Variants in ATP6V0A4 observed in about 807,000 individuals in gnomAD.
ATP6V0A4 encodes the protein V-type proton ATPase 116 kDa subunit a 4.
In ATP6V0A4, 86 loss-of-function variants were observed where a neutral mutation model predicts 107.3. That is an observed-to-expected ratio of 0.80 (90% CI 0.67 to 0.96). ATP6V0A4 has a LOEUF of 0.96. Ranked by LOEUF, ATP6V0A4 falls within the 40% of genes least tolerant of loss-of-function variation. The pLI is 0.00. For missense variants in ATP6V0A4, 908 were observed against 1,045.6 expected, an observed-to-expected ratio of 0.87 and a Z score of 1.81; for synonymous variants, 353 against 381.4, an observed-to-expected ratio of 0.93 and a Z score of 0.87.
At chr7:138,778,321 A>G (rs1447231510) in intron 2 of ATP6V0A4, among the ~76,000 whole-genome samples, 4 of 151,990 alleles carry the variant, frequency 2.6e-5, no homozygotes, top group Non-Finnish European at 5.9e-5. Flanking sequence ...AGATCGCGCC[A>G]CTGCACTCCA....
intron 2 of ATP6V0A4, 110 bp downstream of exon 2, chr7:138,786,048 A>C (rs1808163348): frequency 6.6e-6 from 1 of 150,516 alleles, no homozygotes; most frequent in Non-Finnish European, 1.5e-5. Flanking sequence ...ACTCTCCTCT[A>C]CTCTCCACTC....
chr7:138,778,790 C>T (rs1807789445), intron 2 of ATP6V0A4, among the ~76,000 whole-genome samples: 1 of 152,088 alleles, frequency 6.6e-6, no homozygotes, highest in Non-Finnish European at 1.5e-5. Flanking sequence ...CAGCCCCACT[C>T]TGTGGTAACA....
At chr7:138,713,029 G>T (rs772374464) in intron 20 of ATP6V0A4, among the ~76,000 whole-genome samples, 1 of 152,004 alleles carries the variant, frequency 6.6e-6, no homozygotes, top group East Asian at 1.9e-4. Flanking sequence ...GGTGGCTCAC[G>T]CCTGTAATTC....
intron 5 of ATP6V0A4, among the ~76,000 whole-genome samples, chr7:138,766,654 G>A (rs1807108642): frequency 6.6e-6 from 1 of 151,826 alleles, no homozygotes; most frequent in Non-Finnish European, 1.5e-5. Context: ...ACCCAGAAAA[G>A]CTTATTAATA....
At chr7:138,759,925 A>T (rs1806715488) in intron 7 of ATP6V0A4, 47 bp from the exon 8 acceptor site, 1 of 1,613,276 alleles carries the variant, frequency 6.2e-7, no homozygotes, top group Admixed American at 1.7e-5. Flanking sequence ...AGGGATTGGG[A>T]TGCAGAGAGA....
intron 18 of ATP6V0A4, among the ~76,000 whole-genome samples, chr7:138,723,528 T>TTTC (rs1804547232): frequency 1.3e-5 from 1 of 75,904 alleles, no homozygotes; most frequent in Admixed American, 1.9e-4. Flanking sequence ...CTTTTCTTTT[T>TTTC]TTTTTTTTTT....
intron 1 of ATP6V0A4, among the ~76,000 whole-genome samples, chr7:138,793,051 T>C (rs1337127174): frequency 6.6e-6 from 1 of 152,024 alleles, no homozygotes. Flanking sequence ...CCCAGCACTT[T>C]GGGAGGCTGA....
At chr7:138,748,658 C>T (rs431224) in intron 12 of ATP6V0A4, among the ~76,000 whole-genome samples, 76,742 of 151,888 alleles carry the variant, frequency 0.51, 20,359 homozygotes, top group African/African-American at 0.67. Flanking sequence ...CCACCTCCTC[C>T]GCCTCCCAAA....
intron 21 of ATP6V0A4, among the ~76,000 whole-genome samples, chr7:138,707,123 ATAT>A (rs200736193): frequency 0.088 from 6,611 of 75,382 alleles, 314 homozygotes; most frequent in Middle Eastern, 0.12. Flanking sequence ...ATTATATATA[ATAT>A]TATATATACA....
chr7:138,767,626 A>G (rs1410230045), intron 5 of ATP6V0A4, among the ~76,000 whole-genome samples: 3 of 151,974 alleles, frequency 2.0e-5, no homozygotes, highest in African/African-American at 4.8e-5. Context: ...GAAATTTTCA[A>G]GAATTTGAAG....
chr7:138,796,592 G>A (rs1433999383), intron 1 of ATP6V0A4, among the ~76,000 whole-genome samples: 1 of 146,418 alleles, frequency 6.8e-6, no homozygotes, highest in East Asian at 2.1e-4. Flanking sequence ...CCTTTGACTT[G>A]AAAAGCCCAT....
At chr7:138,723,710 G>C (rs976306213) in intron 18 of ATP6V0A4, among the ~76,000 whole-genome samples, 8 of 151,692 alleles carry the variant, frequency 5.3e-5, no homozygotes, top group African/African-American at 1.9e-4. Flanking sequence ...ATTTTTAATA[G>C]AGACGGGGTT....
chr7:138,768,877 G>A lies in ATP6V0A4; in HGVS notation c.197-3C>T, dbSNP rs1807224754. 2 of 1,614,048 alleles carry A rather than the reference G, an allele frequency of 1.2e-6. No individual in the cohort carries two copies. Among genetic ancestry groups the A allele is most frequent in the Non-Finnish European group, 1.7e-6 (2 of 1,179,994 alleles). Reference sequence around the variant, plus strand: ...TTGCATCTCGTCTTCCAGAAAACCTGAAGAATGAAAACCCACCAGAAACCC... The same window carrying A: ...TTGCATCTCGTCTTCCAGAAAACCTAAAGAATGAAAACCCACCAGAAACCC... On this transcript the variant is annotated splice_polypyrimidine_tract_variant and splice_region_variant and intron_variant, in intron 4 of 21. Coordinates refer to ENST00000310018, the MANE Select transcript of ATP6V0A4 (RefSeq NM_020632.3).
chr7:138,749,924 C>T (rs1011820420), intron 11 of ATP6V0A4, among the ~76,000 whole-genome samples: 23 of 152,090 alleles, frequency 1.5e-4, no homozygotes, highest in Non-Finnish European at 2.9e-4. Context: ...ATCTTTCCTC[C>T]GATTCCCACA....
chr7:138,789,154 A>G (rs890406644), intron 1 of ATP6V0A4, among the ~76,000 whole-genome samples: 1 of 151,998 alleles, frequency 6.6e-6, no homozygotes, highest in African/African-American at 2.4e-5. Flanking sequence ...CGAGCACTCC[A>G]AGAGCTGAGG....
chr7:138,768,914 T>A, intron 4 of ATP6V0A4, 40 bp from the exon 5 acceptor site: 1 of 1,612,208 alleles, frequency 6.2e-7, no homozygotes, highest in South Asian at 1.1e-5. Context: ...AAGGTGATTG[T>A]GTTTTCTCAT....
intron 19 of ATP6V0A4, among the ~76,000 whole-genome samples, chr7:138,718,670 T>TGGTGTGGGGGGGGTGCAGTCA (rs1562981142): frequency 2.5e-5 from 1 of 39,882 alleles, no homozygotes; most frequent in Non-Finnish European, 4.8e-5. Flanking sequence ...AGGAAGGAAT[T>TGGTGTGGGGGGGGTGCAGTCA]CGGGGCGGGG....
chr7:138,734,586 G>T (rs933981265), intron 15 of ATP6V0A4, among the ~76,000 whole-genome samples: 1 of 151,876 alleles, frequency 6.6e-6, no homozygotes, highest in Non-Finnish European at 1.5e-5. Flanking sequence ...AGACCAGTCT[G>T]GTCAACCTGG....
chr7:138,723,682 C>T (rs1379480216), intron 18 of ATP6V0A4, among the ~76,000 whole-genome samples: 12 of 152,022 alleles, frequency 7.9e-5, no homozygotes, highest in South Asian at 2.1e-4. Flanking sequence ...CCCACCACCA[C>T]GCCCAGCTAA....
Sources: gnomAD v4.1 joint callset for allele counts (sites outside exome capture counted in the v4.1 genomes callset) on GRCh38, gnomAD v4.1.1 for gene constraint, MANE v1.5 for transcripts, NCBI Gene and HGNC (gene_info 2026-07-23, HGNC 2026-07-21) for gene names.